The following IKZF3 variants were observed in gnomAD, a reference collection of about 807,000 sequenced individuals.
IKZF3 encodes the protein zinc finger protein Aiolos.
In IKZF3, 10 loss-of-function variants were observed where a neutral mutation model predicts 49.0. The ratio of observed to expected loss-of-function variants is 0.20; its 90% confidence interval spans 0.13 to 0.35. The LOEUF is 0.35. IKZF3 is among the 10% of genes least tolerant of loss of function. The probability of loss-of-function intolerance (pLI) is 1.00; values close to 1 mark genes in which losing one functional copy is unlikely to be tolerated. For missense variants in IKZF3, 498 were observed against 664.8 expected (o/e 0.75, Z 2.76); for synonymous variants, 209 against 228.2 (o/e 0.92, Z 0.76).
intron 5 of IKZF3, among the ~76,000 whole-genome samples, chr17:39,790,248 A>C (rs1167218795): frequency 6.6e-6 from 1 of 152,248 alleles, no homozygotes; most frequent in Non-Finnish European, 1.5e-5. Context: ...TAGGGCTAAA[A>C]ATGTTACGTT....
chr17:39,792,547 A>G, intron 4 of IKZF3, 126 bp downstream of exon 4: 4 of 935,862 alleles, frequency 4.3e-6, no homozygotes, highest in Non-Finnish European at 4.8e-6. Flanking sequence ...ATGCAGAGAG[A>G]GAGATACATC....
chr17:39,773,679 A>G (rs2060501202), intron 7 of IKZF3, among the ~76,000 whole-genome samples: 1 of 152,220 alleles, frequency 6.6e-6, no homozygotes, highest in Non-Finnish European at 1.5e-5. Context: ...TTTTTGGGAA[A>G]GAATAAAAAT....
chr17:39,860,509 CA>C (rs1465763472), intron 1 of IKZF3, among the ~76,000 whole-genome samples: 1 of 152,158 alleles, frequency 6.6e-6, no homozygotes, highest in Non-Finnish European at 1.5e-5. Context: ...GTAAATTTAA[CA>C]GTTAAAATTT....
rs184069231 is a variant in IKZF3 at position 39,834,933 on chromosome 17, G to C, written c.8-2782C>G. 6.6e-3 allele frequency: 2,395 copies of C among 365,524 alleles called. 13 individuals carry two copies. The highest frequency in any genetic ancestry group is 8.6e-3 in the African/African-American group (402 of 46,972). 22.6% of individuals were successfully genotyped at this position (365,524 alleles called of 1,614,324 possible). ...CAGGCTCTGGAGAAGCCATGGGAGG[G>C]GGTAGGCTGGGAGGGGCTGCTATGG... On this transcript the variant is annotated intron_variant, in intron 1 of 7. Transcript: ENST00000346872.
Position 39,785,141 on chromosome 17 carries a change from A to C in IKZF3, c.709+3117T>G, listed in dbSNP as rs9890508. Among the ~76,000 whole-genome samples, 644 of 152,336 alleles carry C rather than the reference A, an allele frequency of 4.2e-3. 4 individuals carry two copies. The highest frequency in any genetic ancestry group is 0.014 in the African/African-American group (601 of 41,570). ...CTCCCAATTCTAAGAAGGAAACAGA[A>C]ATGGAAACCACACATGGAAGGGTGC... On this transcript the variant is annotated intron_variant, in intron 6 of 7. Transcript: ENST00000346872.
At position 39,864,021 on chromosome 17, in the gene IKZF3, A is replaced by C. The variant is rs1023578763; in HGVS notation, c.7+99T>G. 19 of 1,508,266 alleles carry C rather than the reference A, an allele frequency of 1.3e-5. No individual in the cohort carries two copies. In the African/African-American group the frequency reaches 2.6e-4, roughly 21 times the overall value. The allele number at this position is 1,508,266 out of a possible 1,614,324, so 93.4% of individuals were successfully genotyped here. A position where few individuals can be genotyped will look rare whatever the true frequency, so the allele number is the denominator to read the frequency against. ...TATTTACTTTTGACAAAAGAAGTAA[A>C]TAGAAGCAAAACTGAGATTCAGAAG... On this transcript the variant is annotated intron_variant, in intron 1 of 7. Transcript: ENST00000346872.
intron 1 of IKZF3, among the ~76,000 whole-genome samples, chr17:39,859,088 T>A (rs1300864472): frequency 1.3e-5 from 2 of 151,276 alleles, no homozygotes; most frequent in Non-Finnish European, 3.0e-5. Context: ...GGATTACAGG[T>A]GTGAGCCACT....
chr17:39,770,277 A>G lies in IKZF3; in HGVS notation c.827-3784T>C, dbSNP rs146250713. ...AGCATCTGGTCCAGCTTCTAGTCAA[A>G]ATCACACCACGCCTTTGAATGATTC... On this transcript the variant is annotated intron_variant, in intron 7 of 7. Transcript: ENST00000346872. 4.3e-4 allele frequency among the ~76,000 whole-genome samples: 65 copies of G among 152,308 alleles called. 1 individual carries two copies. The East Asian group carries it at 0.012, about 29-fold the overall frequency.
At chr17:39,807,199 TA>T (rs2061448610) in intron 3 of IKZF3, among the ~76,000 whole-genome samples, 1 of 152,136 alleles carries the variant, frequency 6.6e-6, no homozygotes, top group African/African-American at 2.4e-5. Flanking sequence ...ATAACTAATA[TA>T]GGGGTAGTTT....
At chr17:39,854,095 C>T (rs1011128774) in intron 1 of IKZF3, among the ~76,000 whole-genome samples, 2 of 152,090 alleles carry the variant, frequency 1.3e-5, no homozygotes, top group Non-Finnish European at 2.9e-5. Flanking sequence ...CACTGCATTC[C>T]GGCCTGGGTG....
chr17:39,799,872 G>A (rs1010818105), intron 3 of IKZF3, among the ~76,000 whole-genome samples: 2 of 151,970 alleles, frequency 1.3e-5, no homozygotes, highest in Non-Finnish European at 2.9e-5. Flanking sequence ...TCATACATCC[G>A]TCTTATTCTG....
chr17:39,856,827 A>T (rs1290727493), intron 1 of IKZF3, among the ~76,000 whole-genome samples: 4 of 151,854 alleles, frequency 2.6e-5, no homozygotes, highest in Admixed American at 6.6e-5. Flanking sequence ...TAATAATAAT[A>T]ATAATTTTAC....
At chr17:39,848,808 T>C (rs961386261) in intron 1 of IKZF3, among the ~76,000 whole-genome samples, 16 of 152,114 alleles carry the variant, frequency 1.1e-4, no homozygotes, top group Non-Finnish European at 2.2e-4. Context: ...GCTTCCTGAG[T>C]AGCTGAGACT....
intron 2 of IKZF3, among the ~76,000 whole-genome samples, chr17:39,830,706 A>G (rs1052180542): frequency 6.6e-6 from 1 of 152,272 alleles, no homozygotes; most frequent in Non-Finnish European, 1.5e-5. Flanking sequence ...CCAATCTTCA[A>G]TAAAATATTT....
At chr17:39,797,362 C>T (rs1340138174) in intron 3 of IKZF3, among the ~76,000 whole-genome samples, 1 of 151,954 alleles carries the variant, frequency 6.6e-6, no homozygotes, top group African/African-American at 2.4e-5. Context: ...CTTTGTAATC[C>T]TCAACACTAC....
At position 39,777,673 on chromosome 17, in the gene IKZF3, G is replaced by C. The variant is rs1471311208; in HGVS notation, c.804C>G (p.Ser268Arg). The part of the protein sequence containing the change: ...RLASNVAKRK[S>R]SMPQKFIGEK... Reference sequence around the variant, plus strand: ...TACCAATGAATTTCTGAGGCATTGAGCTTTTTCGTTTTGCCACATTGCTTG... The same window carrying C: ...TACCAATGAATTTCTGAGGCATTGACCTTTTTCGTTTTGCCACATTGCTTG... The change falls in exon 7 of 8, where the codon AGC becomes AGG. Residue 268 changes from serine (S) to arginine (R), a missense_variant. Ser to Arg is a moderately radical substitution (Grantham distance 110). This residue lies in a region of IKZF3 where 317 missense variants were observed against 397.3 expected (regional missense o/e 0.80). Coordinates refer to ENST00000346872, the MANE Select transcript of IKZF3 (RefSeq NM_012481.5). 1 of 1,613,276 alleles carries C rather than the reference G, an allele frequency of 6.2e-7. No individual in the cohort carries two copies. Among genetic ancestry groups the C allele is most frequent in the Non-Finnish European group, 8.5e-7 (1 of 1,179,452 alleles).
intron 1 of IKZF3, among the ~76,000 whole-genome samples, chr17:39,854,758 T>C (rs554438904): frequency 7.2e-5 from 11 of 152,204 alleles, no homozygotes; most frequent in African/African-American, 2.4e-4. Flanking sequence ...TTTGGACTTG[T>C]TGAGTTGGAA....
intron 3 of IKZF3, among the ~76,000 whole-genome samples, chr17:39,820,026 C>T (rs1198207697): frequency 6.6e-6 from 1 of 152,136 alleles, no homozygotes; most frequent in African/African-American, 2.4e-5. Context: ...ATATAACTGA[C>T]CTAGGGCTTT....
chr17:39,766,839 A>G (rs1250020847), intron 7 of IKZF3, among the ~76,000 whole-genome samples: 1 of 152,196 alleles, frequency 6.6e-6, no homozygotes, highest in Non-Finnish European at 1.5e-5. Flanking sequence ...CAAGGGAGCC[A>G]CCAGCCCACA....
Sources: gnomAD v4.1 joint callset for allele counts (sites outside exome capture counted in the v4.1 genomes callset) on GRCh38, gnomAD v4.1.1 for gene constraint, gnomAD v4.1.1 regional missense constraint, MANE v1.5 for transcripts, NCBI Gene and HGNC (gene_info 2026-07-23, HGNC 2026-07-21) for gene names.